Variants in LRRC72 observed in about 807,000 individuals in gnomAD.
The protein encoded by LRRC72 is leucine-rich repeat-containing protein 72.
LRRC72 carries 41 observed loss-of-function variants against 35.8 expected under a neutral mutation model. The ratio of observed to expected loss-of-function variants is 1.15; its 90% CI spans 0.89 to 1.49. LRRC72 has a LOEUF of 1.49. Among genes scored for constraint, LRRC72 ranks in the 40% most tolerant of loss-of-function variants. LRRC72 has a pLI of 0.00. For missense variants in LRRC72, 389 were observed against 330.7 expected (o/e 1.18, Z -1.37); for synonymous variants, 118 against 119.2 (o/e 0.99, Z 0.07).
In LRRC72 at chr7:16,581,549, T is replaced by A. The variant is rs1783144188; in HGVS notation, c.*60T>A. On this transcript the variant is annotated 3_prime_UTR_variant, in exon 9 of 9. Coordinates refer to ENST00000401542, the MANE Select transcript of LRRC72 (RefSeq NM_001195280.2). ...GTTGTATATTAAACTTCCCTGTGAC[T>A]TAGCATATTACATACTTACAATGAT... 1 of 1,261,750 alleles carries A rather than the reference T, an allele frequency of 7.9e-7. No homozygotes were observed. Among genetic ancestry groups the A allele is most frequent in the Admixed American group, 2.9e-5 (1 of 34,964 alleles). The allele number at this position is 1,261,750 out of a possible 1,614,324, so 78.2% of individuals were successfully genotyped here.
At chr7:16,531,388 G>T (rs1274976616) in intron 1 of LRRC72, among the ~76,000 whole-genome samples, 1 of 152,120 alleles carries the variant, frequency 6.6e-6, no homozygotes, top group Non-Finnish European at 1.5e-5. Context: ...ATCAAGGGAA[G>T]TTCAGGACTA....
chr7:16,571,797 G>C (rs1266510745), intron 7 of LRRC72, among the ~76,000 whole-genome samples: 1 of 152,196 alleles, frequency 6.6e-6, no homozygotes, highest in Non-Finnish European at 1.5e-5. Context: ...TTAGATGCAG[G>C]AGGTCTTTTT....
intron 3 of LRRC72, among the ~76,000 whole-genome samples, chr7:16,553,946 CAT>C (rs1421418599): frequency 6.6e-5 from 10 of 152,200 alleles, no homozygotes; most frequent in Non-Finnish European, 1.0e-4. Flanking sequence ...TAAGCTAAGA[CAT>C]ATGATTTGTG....
chr7:16,540,623 C>T (rs747520561), intron 3 of LRRC72, among the ~76,000 whole-genome samples: 3 of 152,144 alleles, frequency 2.0e-5, no homozygotes, highest in Non-Finnish European at 4.4e-5. Flanking sequence ...GTAATCCCCA[C>T]GTGTCAGGGG....
At chr7:16,570,499 A>G (rs1782924353) in intron 7 of LRRC72, among the ~76,000 whole-genome samples, 1 of 149,442 alleles carries the variant, frequency 6.7e-6, no homozygotes, top group African/African-American at 2.5e-5. Flanking sequence ...CACACCTTAG[A>G]AAAAAACTGG....
At chr7:16,579,296 GC>G (rs1405836907) in intron 7 of LRRC72, among the ~76,000 whole-genome samples, 1 of 152,146 alleles carries the variant, frequency 6.6e-6, no homozygotes, top group African/African-American at 2.4e-5. Flanking sequence ...AAAAGAAAGA[GC>G]CTAGGATGAT....
intron 3 of LRRC72, among the ~76,000 whole-genome samples, chr7:16,551,365 T>C (rs759860967): frequency 6.6e-6 from 1 of 152,154 alleles, no homozygotes; most frequent in Non-Finnish European, 1.5e-5. Context: ...ACTCCCCAAA[T>C]CCTTGGAATC....
At chr7:16,564,695 C>T (rs775197595) in intron 5 of LRRC72, among the ~76,000 whole-genome samples, 5 of 152,050 alleles carry the variant, frequency 3.3e-5, no homozygotes, top group Admixed American at 1.3e-4. Flanking sequence ...CTAAAGCTCG[C>T]GTTTTCCACA....
chr7:16,528,260 CT>C (rs1423853842), intron 1 of LRRC72, among the ~76,000 whole-genome samples: 1 of 152,124 alleles, frequency 6.6e-6, no homozygotes, highest in African/African-American at 2.4e-5. Context: ...CATGTAGACA[CT>C]TCATCGTGAT....
rs760538474 is a variant in LRRC72 at position 16,581,409 on chromosome 7, A to G, written c.784A>G (p.Thr262Ala). The G allele has an allele frequency of 4.5e-6, 7 of 1,550,260 alleles. No homozygotes were observed. The South Asian group carries it at 8.3e-5, about 18-fold the overall frequency. ...VMTLTSMNWD[T>A]VPTREERYLE... The stretch of plus-strand genomic sequence containing the variant: ...GACTTTGACCTCTATGAACTGGGAC[A>G]CAGTTCCAACACGAGAGGAAAGGTA... Residue 262 changes from threonine (T) to alanine (A), a missense_variant, in exon 9 of 9, where the codon ACA becomes GCA. Transcript: ENST00000401542.
Position 16,557,442 on chromosome 7 carries a change from G to C in LRRC72, c.316+1G>C, listed in dbSNP as rs972293629. On this transcript the variant is annotated splice_donor_variant, in intron 4 of 8. Transcript: ENST00000401542. LOFTEE classifies it high-confidence loss of function. ...AACAATGCAATATTTGAGATAGAAG[G>C]TACGTCTTAAATTCTCTGTTGATTT... is the stretch of plus-strand genomic sequence containing the variant. The C allele has an allele frequency of 8.4e-7, 1 of 1,192,662 alleles. No homozygotes were observed. Among genetic ancestry groups the C allele is most frequent in the Non-Finnish European group, 1.1e-6 (1 of 902,858 alleles). The allele number at this position is 1,192,662 out of a possible 1,614,324, so 73.9% of individuals were successfully genotyped here. A position where few individuals can be genotyped will look rare whatever the true frequency, so the allele number is the denominator to read the frequency against.
At chr7:16,547,371 G>A (rs917727061) in intron 3 of LRRC72, among the ~76,000 whole-genome samples, 4 of 152,086 alleles carry the variant, frequency 2.6e-5, no homozygotes, top group African/African-American at 7.2e-5. Context: ...GCTCCACGGA[G>A]ATAGCAGGAG....
intron 5 of LRRC72, among the ~76,000 whole-genome samples, chr7:16,564,941 T>G (rs1782803157): frequency 6.6e-6 from 1 of 152,238 alleles, no homozygotes; most frequent in Non-Finnish European, 1.5e-5. Flanking sequence ...ACTATTTTCA[T>G]GCCTTTATCA....
chr7:16,539,814 G>A (rs1203193897), intron 3 of LRRC72, among the ~76,000 whole-genome samples: 2 of 152,220 alleles, frequency 1.3e-5, no homozygotes, highest in Admixed American at 6.5e-5. Context: ...GGGCCTGCAG[G>A]TGCACAGAAG....
At chr7:16,553,508 C>T (rs182299747) in intron 3 of LRRC72, among the ~76,000 whole-genome samples, 2 of 152,326 alleles carry the variant, frequency 1.3e-5, no homozygotes, top group Admixed American at 1.3e-4. Context: ...ATGCCCAGCT[C>T]ATAATAAGCA....
chr7:16,581,289 G>A lies in LRRC72; in HGVS notation c.699-35G>A. ...TTTGGTCAAATTTTCATTTTTGATT[G>A]CTTTTTTTCTGACATAATTGCTTTT... On this transcript the variant is annotated intron_variant, in intron 8 of 8. Transcript: ENST00000401542. 4.3e-6 allele frequency: 6 copies of A among 1,411,490 alleles called. 1 individual carries two copies. The highest frequency in any genetic ancestry group is 9.3e-7 in the Non-Finnish European group (1 of 1,076,726). 87.4% of individuals were successfully genotyped at this position (1,411,490 alleles called of 1,614,324 possible). A position where few individuals can be genotyped will look rare whatever the true frequency, so the allele number is the denominator to read the frequency against.
In LRRC72 at chr7:16,558,913, A is replaced by G. The variant is rs946278146; in HGVS notation, c.341A>G (p.His114Arg). The G allele has an allele frequency of 4.0e-6, 6 of 1,515,044 alleles. No individual in the cohort carries two copies. Among genetic ancestry groups the G allele is most frequent in the Non-Finnish European group, 5.3e-6 (6 of 1,126,024 alleles). 93.9% of individuals were successfully genotyped at this position (1,515,044 alleles called of 1,614,324 possible). The stretch of plus-strand genomic sequence containing the variant: ...GGTCTGCATTATTTGCCTTCATTGC[A>G]TATACTCCTGCTACACCACAATGAG... Reference protein sequence around the residue: ...IEGLHYLPSLHILLLHHNELT... With the variant: ...IEGLHYLPSLRILLLHHNELT... The change falls in exon 5 of 9, where the codon CAT becomes CGT. Residue 114 changes from histidine to arginine, a missense_variant. By Grantham distance (29) the His-to-Arg change is conservative. Coordinates refer to ENST00000401542, the MANE Select transcript of LRRC72 (RefSeq NM_001195280.2).
chr7:16,578,193 T>C (rs1477269609), intron 7 of LRRC72, among the ~76,000 whole-genome samples: 2 of 152,250 alleles, frequency 1.3e-5, no homozygotes, highest in African/African-American at 4.8e-5. Flanking sequence ...TATTCCATTA[T>C]AGAATTAATC....
At chr7:16,534,825 G>A (rs1481524367) in intron 2 of LRRC72, among the ~76,000 whole-genome samples, 2 of 152,078 alleles carry the variant, frequency 1.3e-5, no homozygotes, top group Non-Finnish European at 2.9e-5. Flanking sequence ...CAAGGTCCAA[G>A]TACTCTTTCC....
Sources: allele counts gnomAD v4.1 joint callset (sites outside exome capture counted in the v4.1 genomes callset), GRCh38; gene constraint gnomAD v4.1.1; transcripts MANE v1.5; gene names NCBI Gene and HGNC (gene_info 2026-07-23, HGNC 2026-07-21).